The following NIPA2 variants were observed in gnomAD, a reference collection of about 807,000 sequenced individuals.
NIPA2 encodes NIPA magnesium transporter 2.
In NIPA2, 11 loss-of-function variants were observed where a neutral mutation model predicts 29.7. That is an observed-to-expected ratio of 0.37 (90% CI 0.23 to 0.61). NIPA2 has a LOEUF of 0.61. Among genes scored for constraint, NIPA2 ranks in the 20% least tolerant of loss-of-function variants. The pLI, the probability that NIPA2 is intolerant of heterozygous loss-of-function variation, is 0.66. For missense variants in NIPA2, 426 were observed against 437.9 expected, an observed-to-expected ratio of 0.97 and a Z score of 0.24; for synonymous variants, 183 against 161.9, an observed-to-expected ratio of 1.13 and a Z score of -0.99.
intron 2 of NIPA2, among the ~76,000 whole-genome samples, chr15:22,840,454 C>A (rs1896764909): frequency 6.6e-6 from 1 of 151,936 alleles, no homozygotes. Context: ...CCGGCGACCA[C>A]GCCCAGCTAA....
At chr15:22,859,623 G>A (rs926676370) in intron 6 of NIPA2, among the ~76,000 whole-genome samples, 1 of 152,132 alleles carries the variant, frequency 6.6e-6, no homozygotes, top group Admixed American at 6.6e-5. Flanking sequence ...GGCCTGGAGT[G>A]CTTGTTTTGA....
chr15:22,862,692 T>C (rs1212998941), intron 7 of NIPA2, among the ~76,000 whole-genome samples: 3 of 152,098 alleles, frequency 2.0e-5, no homozygotes, highest in Non-Finnish European at 4.4e-5. Context: ...GTGGTGGTGT[T>C]TCTCTTTTGG....
At chr15:22,865,702 G>A (rs750984099) in intron 7 of NIPA2, among the ~76,000 whole-genome samples, 3 of 152,096 alleles carry the variant, frequency 2.0e-5, no homozygotes, top group Non-Finnish European at 2.9e-5. Flanking sequence ...TTAATTCTCC[G>A]TATTCAACCA....
chr15:22,851,617 C>A, intron 3 of NIPA2, 22 bp from the exon 4 acceptor site: 1 of 808,550 alleles, frequency 1.2e-6, no homozygotes, highest in Non-Finnish European at 1.9e-6. Context: ...GTGAAAACCA[C>A]ATTTCATTTT....
intron 3 of NIPA2, among the ~76,000 whole-genome samples, chr15:22,846,818 A>AAATAATAATAAT (rs1555380233): frequency 2.9e-4 from 40 of 135,842 alleles, no homozygotes; most frequent in African/African-American, 1.0e-3. Context: ...CCTGTCTCCA[A>AAATAATAATAAT]AATAATAATA....
At chr15:22,852,970 C>T (rs961140545) in intron 4 of NIPA2, among the ~76,000 whole-genome samples, 2 of 152,170 alleles carry the variant, frequency 1.3e-5, no homozygotes, top group Non-Finnish European at 2.9e-5. Context: ...TGCTTGTTCC[C>T]CTAGTCCCTG....
Position 22,851,836 on chromosome 15 carries a change from C to T in NIPA2, c.105C>T (p.Leu35=). Residue 35 remains leucine, a synonymous_variant, in exon 4 of 8, where the codon CTC becomes CTT. Coordinates refer to ENST00000337451, the MANE Select transcript of NIPA2 (RefSeq NM_030922.7). Reference sequence around the variant, plus strand: ...GTTTCATTTTGAAAAAAAAGGGCCTCCTTCGACTTGCCAGGAAAGGCTCTA... The same window carrying T: ...GTTTCATTTTGAAAAAAAAGGGCCTTCTTCGACTTGCCAGGAAAGGCTCTA... ...GGSFILKKKG[L]LRLARKGSMR... The T allele has an allele frequency of 6.2e-7, 1 of 1,613,734 alleles. No individual in the cohort carries two copies. Among genetic ancestry groups the T allele is most frequent in the South Asian group, 1.1e-5 (1 of 91,054 alleles).
chr15:22,866,151 G>C, intron 7 of NIPA2, 62 bp from the exon 8 acceptor site: 1 of 1,337,832 alleles, frequency 7.5e-7, no homozygotes, highest in East Asian at 2.3e-5. Flanking sequence ...ATTTTGTTTT[G>C]CATTCTGTGT....
intron 1 of NIPA2, chr15:22,839,234 C>T (rs950276046): frequency 2.6e-5 from 4 of 152,178 alleles, no homozygotes; most frequent in Non-Finnish European, 4.4e-5. Context: ...TTAAACAAGC[C>T]TTAGAAGTCT....
intron 6 of NIPA2, among the ~76,000 whole-genome samples, chr15:22,859,753 GT>G (rs562233192): frequency 4.0e-5 from 6 of 150,944 alleles, no homozygotes; most frequent in Non-Finnish European, 5.9e-5. Context: ...ATTTTTATCT[GT>G]TTTTTTTTCC....
rs1213025496 is a variant in NIPA2, at chr15:22,866,568, T to G, written c.804T>G (p.Phe268Leu). The change falls in exon 8 of 8, where the codon TTT (phenylalanine) becomes TTG (leucine). Residue 268 changes from phenylalanine to leucine, a missense_variant. Phe to Leu is a conservative substitution (Grantham distance 22). Coordinates refer to ENST00000337451, the MANE Select transcript of NIPA2 (RefSeq NM_030922.7). ...TTTTAACTTGTTCAGCTATTCTTTT[T>G]AAGGAGTGGCAAGATATGCCTGTTG... ...TSVLTCSAILFKEWQDMPVDD... is the reference protein window; with the variant it reads ...TSVLTCSAILLKEWQDMPVDD... 1.2e-6 allele frequency: 2 copies of G among 1,614,062 alleles called. No individual in the cohort carries two copies. The highest frequency in any genetic ancestry group is 1.7e-6 in the Non-Finnish European group (2 of 1,180,008).
chr15:22,852,744 T>C (rs182056334), intron 4 of NIPA2, among the ~76,000 whole-genome samples: 1 of 152,262 alleles, frequency 6.6e-6, no homozygotes, highest in Admixed American at 6.5e-5. Context: ...CTCCCGGTGT[T>C]AAGTGGCGTT....
At chr15:22,852,751 C>T (rs900977809) in intron 4 of NIPA2, among the ~76,000 whole-genome samples, 9 of 152,094 alleles carry the variant, frequency 5.9e-5, no homozygotes, top group African/African-American at 2.2e-4. Flanking sequence ...TGTTAAGTGG[C>T]GTTATGGTCA....
chr15:22,853,162 A>G, intron 4 of NIPA2, 50 bp from the exon 5 acceptor site: 1 of 1,202,618 alleles, frequency 8.3e-7, no homozygotes, highest in South Asian at 1.3e-5. Context: ...TATAATTTAT[A>G]CAAGAGTCTT....
chr15:22,857,898 C>G (rs1040641514), intron 5 of NIPA2, among the ~76,000 whole-genome samples: 1 of 150,550 alleles, frequency 6.6e-6, no homozygotes, highest in Admixed American at 6.6e-5. Flanking sequence ...GTACCTTTAC[C>G]TTCATGTCGG....
chr15:22,840,389 C>T (rs1896744369), intron 2 of NIPA2, among the ~76,000 whole-genome samples: 1 of 151,400 alleles, frequency 6.6e-6, no homozygotes, highest in African/African-American at 2.4e-5. Context: ...CCTCCGCCTC[C>T]TGGGTTCAAG....
chr15:22,861,625 G>A (rs1165968105), intron 7 of NIPA2, among the ~76,000 whole-genome samples: 2 of 151,976 alleles, frequency 1.3e-5, no homozygotes, highest in Non-Finnish European at 2.9e-5. Context: ...TTTTATATGC[G>A]ACCAATTTTT....
chr15:22,847,983 A>C (rs906605143), intron 3 of NIPA2, among the ~76,000 whole-genome samples: 3 of 145,054 alleles, frequency 2.1e-5, no homozygotes, highest in Admixed American at 1.4e-4. Flanking sequence ...TTTTTAGTAG[A>C]GACGGGGTTT....
Position 22,866,225 on chromosome 15 carries a change from T to C in NIPA2, c.461T>C (p.Phe154Ser). Residue 154 changes from phenylalanine (F) to serine (S), a missense_variant, in exon 8 of 8, where the codon TTT (phenylalanine) becomes TCT (serine). By Grantham distance (155) the Phe-to-Ser change is radical. Coordinates refer to ENST00000337451, the MANE Select transcript of NIPA2 (RefSeq NM_030922.7). ...TTGCCTCCTCCAGGTTTTGTGGTCTTTGCAACCCTTGTGGTCATTGTGGCC... is the reference window on the plus strand; with the variant it reads ...TTGCCTCCTCCAGGTTTTGTGGTCTCTGCAACCCTTGTGGTCATTGTGGCC... ...HKLGDPGFVV[F>S]ATLVVIVALI... 1 of 1,611,932 alleles carries C rather than the reference T, an allele frequency of 6.2e-7. No homozygotes were observed. Among genetic ancestry groups the C allele is most frequent in the Non-Finnish European group, 8.5e-7 (1 of 1,178,110 alleles).
Sources: allele counts gnomAD v4.1 joint callset (sites outside exome capture counted in the v4.1 genomes callset), GRCh38; gene constraint gnomAD v4.1.1; transcripts MANE v1.5; gene names NCBI Gene and HGNC (gene_info 2026-07-23, HGNC 2026-07-21).